VLDLR: variants seen among roughly 807,000 people sequenced by gnomAD.
VLDLR encodes very low-density lipoprotein receptor.
VLDLR carries 81 observed loss-of-function variants against 112.7 expected under a neutral mutation model. That is an observed-to-expected ratio of 0.72 (90% confidence interval 0.60 to 0.86). The LOEUF (loss-of-function observed/expected upper bound fraction) is 0.86, where lower values mean the gene tolerates loss of function less well. Ranked by LOEUF, VLDLR falls within the 40% of genes least tolerant of loss-of-function variation. The pLI is 0.00. For missense variants in VLDLR, 1,237 were observed against 1,099.4 expected, an observed-to-expected ratio of 1.13 and a Z score of -1.77; for synonymous variants, 436 against 384.8, an observed-to-expected ratio of 1.13 and a Z score of -1.56.
intron 4 of VLDLR, 70 bp downstream of exon 4, chr9:2,641,569 C>G: frequency 6.2e-7 from 1 of 1,608,632 alleles, no homozygotes; most frequent in East Asian, 2.2e-5. Flanking sequence ...GCAGGGGAAA[C>G]TAATCTAAGC....
At chr9:2,635,414 C>G in intron 1 of VLDLR, 39 bp from the exon 2 acceptor site, 1 of 1,613,196 alleles carries the variant, frequency 6.2e-7, no homozygotes, top group Non-Finnish European at 8.5e-7. Context: ...GAATCTATAA[C>G]CAATCCTTGC....
rs1817930366 is a variant in VLDLR, at chr9:2,643,711, G to C, written c.904G>C (p.Asp302His). The change falls in exon 6 of 19, where the codon GAC (aspartate) becomes CAC (histidine). Residue 302 changes from aspartate to histidine, a missense_variant. Asp to His is a moderately conservative substitution (Grantham distance 81, BLOSUM62 -1). Coordinates refer to ENST00000382100, the MANE Select transcript of VLDLR (RefSeq NM_003383.5). ...HGSRQCNGIRDCVDGSDEVNC... is the reference protein window; with the variant it reads ...HGSRQCNGIRHCVDGSDEVNC... ...CAGCAGGCAGTGTAATGGTATCCGA[G>C]ACTGTGTCGATGGTTCCGATGAAGT... 1.2e-6 allele frequency: 2 copies of C among 1,614,084 alleles called. No homozygotes were observed. Among genetic ancestry groups the C allele is most frequent in the Non-Finnish European group, 1.7e-6 (2 of 1,180,046 alleles).
intron 14 of VLDLR, 106 bp downstream of exon 14, chr9:2,648,916 G>A (rs1715288940): frequency 6.8e-7 from 1 of 1,467,454 alleles, no homozygotes; most frequent in South Asian, 1.2e-5. Flanking sequence ...TCTTTAAAAG[G>A]GAACTTTTGC....
Position 2,621,798 on chromosome 9 carries a change from C to T in VLDLR, c.-392C>T, listed in dbSNP as rs867729388. 88 of 484,968 alleles carry T rather than the reference C, an allele frequency of 1.8e-4. 2 individuals carry two copies. The Middle Eastern group carries it at 4.7e-3, about 26-fold the overall frequency. 30.0% of individuals were successfully genotyped at this position (484,968 alleles called of 1,614,324 possible). On this transcript the variant is annotated 5_prime_UTR_variant, in exon 1 of 19. Transcript: ENST00000382100. ...CCTCCCCGCTGCTCACCCCGCTCTC[C>T]GGCCGCCGCCGGTGCGGGTGCTCCG...
chr9:2,652,620 G>A (rs1818403749), intron 17 of VLDLR, among the ~76,000 whole-genome samples, 160 bp from the exon 18 acceptor site: 1 of 152,194 alleles, frequency 6.6e-6, no homozygotes. Flanking sequence ...CTTGTTTCAA[G>A]CTCCTGGCCC....
chr9:2,621,843 C>T lies in VLDLR; in HGVS notation c.-347C>T, dbSNP rs1816790642. 1 of 529,980 alleles carries T rather than the reference C, an allele frequency of 1.9e-6. No homozygotes were observed. Among genetic ancestry groups the T allele is most frequent in the Non-Finnish European group, 3.6e-6 (1 of 277,790 alleles). 32.8% of individuals were successfully genotyped at this position (529,980 alleles called of 1,614,324 possible). ...GCTCCGCTACCGGCTCCTCTCCGTT[C>T]TGTGCTCTCTTCTGCTCTCGGCTCC... On this transcript the variant is annotated 5_prime_UTR_variant, in exon 1 of 19. Coordinates refer to ENST00000382100, the MANE Select transcript of VLDLR (RefSeq NM_003383.5).
intron 14 of VLDLR, 47 bp downstream of exon 14, chr9:2,648,857 G>A: frequency 1.2e-6 from 2 of 1,612,372 alleles, no homozygotes; most frequent in South Asian, 1.1e-5. Flanking sequence ...AAGGGAAGCA[G>A]CATGACACAG....
intron 18 of VLDLR, 45 bp downstream of exon 18, chr9:2,652,994 CT>C: frequency 6.2e-7 from 1 of 1,612,624 alleles, no homozygotes; most frequent in Non-Finnish European, 8.5e-7. Flanking sequence ...TGAAGTGAGA[CT>C]TTTCAGAAAG....
intron 1 of VLDLR, among the ~76,000 whole-genome samples, chr9:2,633,045 A>AGTGTGT (rs1441998492): frequency 4.4e-5 from 5 of 113,778 alleles, no homozygotes; most frequent in African/African-American, 8.0e-5. Flanking sequence ...AGAGAGAGAG[A>AGTGTGT]GAGAGAGTGT....
intron 10 of VLDLR, 91 bp downstream of exon 10, chr9:2,645,836 G>A: frequency 6.7e-7 from 1 of 1,497,166 alleles, no homozygotes; most frequent in South Asian, 1.1e-5. Flanking sequence ...TTTCTTTTGT[G>A]TCTAGCCCCA....
At position 2,622,439 on chromosome 9, in the gene VLDLR, G is replaced by A. The variant is rs1434585472; in HGVS notation, c.82+168G>A. On this transcript the variant is annotated intron_variant, in intron 1 of 18. Transcript: ENST00000382100. ...GTGGCGCCTCTGAGCTGTCAGCGCC[G>A]AGGCTAAAGGGAGCCGGGCTTGGGG... The A allele has an allele frequency of 2.8e-5, 16 of 572,126 alleles. No individual in the cohort carries two copies. The Middle Eastern group carries it at 2.5e-3, about 88-fold the overall frequency. 35.4% of individuals were successfully genotyped at this position (572,126 alleles called of 1,614,324 possible).
At position 2,645,622 on chromosome 9, in the gene VLDLR, T is replaced by C. The variant is rs749741110; in HGVS notation, c.1361T>C (p.Ile454Thr). The stretch of plus-strand genomic sequence containing the variant: ...ACTAATCGAAGAGACATCAGGAAGA[T>C]TGGCTTAGAGAGGAAAGAATATATC... ...IFTNRRDIRKIGLERKEYIQL... is the reference protein window; with the variant it reads ...IFTNRRDIRKTGLERKEYIQL... Residue 454 changes from isoleucine to threonine, a missense_variant, in exon 10 of 19, where the codon ATT (isoleucine) becomes ACT (threonine). Coordinates refer to ENST00000382100, the MANE Select transcript of VLDLR (RefSeq NM_003383.5). The C allele has an allele frequency of 8.7e-6, 14 of 1,614,074 alleles. No homozygotes were observed. The highest frequency in any genetic ancestry group is 3.3e-5 in the Admixed American group (2 of 60,010).
At position 2,658,639 on chromosome 9, in the gene VLDLR, G is replaced by C. The variant is rs1057318905; in HGVS notation, c.*4771G>C. On this transcript the variant is annotated 3_prime_UTR_variant, in exon 19 of 19. Transcript: ENST00000382100. ...TCCCTCTGTAAAGTAGAGACGATGG[G>C]GACTGTCTCACTGTGACAAGGTAAG... is the stretch of plus-strand genomic sequence containing the variant. 6.6e-6 allele frequency: 1 copy of C among 152,100 alleles called. No homozygotes were observed. The highest frequency in any genetic ancestry group is 1.5e-5 in the Non-Finnish European group (1 of 68,030). 9.4% of individuals were successfully genotyped at this position (152,100 alleles called of 1,614,324 possible).
At chr9:2,647,187 C>T (rs1818114545) in intron 11 of VLDLR, among the ~76,000 whole-genome samples, 1 of 152,176 alleles carries the variant, frequency 6.6e-6, no homozygotes, top group Admixed American at 6.5e-5. Flanking sequence ...GTTCGTCTTG[C>T]ACTCCTCTGT....
intron 14 of VLDLR, among the ~76,000 whole-genome samples, chr9:2,649,549 G>C (rs975892164): frequency 1.1e-4 from 16 of 152,152 alleles, no homozygotes; most frequent in African/African-American, 3.6e-4. Context: ...GAGCCACCAC[G>C]TCCAGCTAAA....
intron 7 of VLDLR, among the ~76,000 whole-genome samples, chr9:2,644,339 T>TC (rs1411683372): frequency 6.8e-6 from 1 of 148,054 alleles, no homozygotes; most frequent in Admixed American, 6.7e-5. Context: ...TTTTTTTTTT[T>TC]TTTGTATTTT....
chr9:2,650,233 C>A, intron 14 of VLDLR, 137 bp from the exon 15 acceptor site: 1 of 1,037,418 alleles, frequency 9.6e-7, no homozygotes, highest in Non-Finnish European at 1.5e-6. Flanking sequence ...TGATACTGTT[C>A]TCACTTGAAG....
chr9:2,657,995 T>C lies in VLDLR; in HGVS notation c.*4127T>C, dbSNP rs1457384234. ...TAAACTATGAGAGTTCAGAAATATA[T>C]AAAAGTACAAAAATCTTCAAAGGTA... On this transcript the variant is annotated 3_prime_UTR_variant, in exon 19 of 19. Transcript: ENST00000382100. 6.6e-6 allele frequency: 1 copy of C among 152,158 alleles called. No homozygotes were observed. The highest frequency in any genetic ancestry group is 1.5e-5 in the Non-Finnish European group (1 of 68,018). The allele number at this position is 152,158 out of a possible 1,614,324, so 9.4% of individuals were successfully genotyped here.
Position 2,621,999 on chromosome 9 carries a change from A to G in VLDLR, c.-191A>G, listed in dbSNP as rs1816801634. ...AGGTGGCTGGGTGGGTGGGGAGGAGACTGTGCAAGTTGTAGGGGAGGGGGT... is the reference window on the plus strand; with the variant it reads ...AGGTGGCTGGGTGGGTGGGGAGGAGGCTGTGCAAGTTGTAGGGGAGGGGGT... On this transcript the variant is annotated 5_prime_UTR_variant, in exon 1 of 19. Coordinates refer to ENST00000382100, the MANE Select transcript of VLDLR (RefSeq NM_003383.5). 9.3e-6 allele frequency: 6 copies of G among 646,060 alleles called. No individual in the cohort carries two copies. Among genetic ancestry groups the G allele is most frequent in the Admixed American group, 2.3e-5 (1 of 42,680 alleles). 40.0% of individuals were successfully genotyped at this position (646,060 alleles called of 1,614,324 possible). A position where few individuals can be genotyped will look rare whatever the true frequency, so the allele number is the denominator to read the frequency against.
Sources: allele counts gnomAD v4.1 joint callset (sites outside exome capture counted in the v4.1 genomes callset), GRCh38; gene constraint gnomAD v4.1.1; transcripts MANE v1.5; gene names NCBI Gene and HGNC (gene_info 2026-07-23, HGNC 2026-07-21).